The following CAMK1D variants were observed in gnomAD, a reference collection of about 807,000 sequenced individuals.
CAMK1D encodes the protein calcium/calmodulin-dependent protein kinase type 1D.
Under a neutral mutation model 47.7 loss-of-function variants are expected in CAMK1D, and 9 were observed. The observed-to-expected ratio is 0.19, with a 90% CI of 0.11 to 0.33. The LOEUF (loss-of-function observed/expected upper bound fraction) is 0.33. Among genes scored for constraint, CAMK1D ranks in the 10% least tolerant of loss-of-function variants. The pLI, the probability that CAMK1D is intolerant of heterozygous loss-of-function variation, is 1.00. For synonymous variants in CAMK1D, 184 were observed against 184.9 expected, an observed-to-expected ratio of 0.99 and a Z score of 0.04; for missense variants, 291 against 488.7, an observed-to-expected ratio of 0.60 and a Z score of 3.81.
chr10:12,795,677 A>G (rs1290818618), intron 6 of CAMK1D, among the ~76,000 whole-genome samples: 3 of 152,218 alleles, frequency 2.0e-5, no homozygotes, highest in Non-Finnish European at 4.4e-5. Context: ...CTTGCACGCC[A>G]TATAAACATT....
intron 2 of CAMK1D, among the ~76,000 whole-genome samples, chr10:12,588,555 C>T (rs1837888816): frequency 6.6e-6 from 1 of 152,022 alleles, no homozygotes. Flanking sequence ...GACCTGGAGC[C>T]TTGGTCTCCA....
intron 1 of CAMK1D, among the ~76,000 whole-genome samples, chr10:12,436,542 C>T (rs1042826195): frequency 1.5e-4 from 23 of 152,240 alleles, no homozygotes; most frequent in African/African-American, 4.6e-4. Flanking sequence ...TCACTGGTGG[C>T]GAGGAGGTGA....
intron 2 of CAMK1D, among the ~76,000 whole-genome samples, chr10:12,585,846 G>C (rs1400633352): frequency 6.6e-6 from 1 of 152,176 alleles, no homozygotes; most frequent in East Asian, 1.9e-4. Flanking sequence ...CTGCCATCTC[G>C]ATCCTTCGGA....
intron 1 of CAMK1D, among the ~76,000 whole-genome samples, chr10:12,440,468 A>G (rs1338640965): frequency 1.3e-5 from 2 of 151,960 alleles, no homozygotes; most frequent in East Asian, 3.9e-4. Flanking sequence ...TTGTACTTTT[A>G]GTAGAGATGG....
chr10:12,638,409 T>A (rs1839573165), intron 2 of CAMK1D, among the ~76,000 whole-genome samples: 1 of 152,170 alleles, frequency 6.6e-6, no homozygotes, highest in South Asian at 2.1e-4. Context: ...CTAAACCACC[T>A]GCTGTTCCCA....
chr10:12,777,342 T>A (rs940163027), intron 5 of CAMK1D, among the ~76,000 whole-genome samples: 3 of 148,880 alleles, frequency 2.0e-5, no homozygotes, highest in Non-Finnish European at 4.4e-5. Flanking sequence ...CTGAGTCAAG[T>A]AAGATGAGGA....
intron 2 of CAMK1D, among the ~76,000 whole-genome samples, chr10:12,557,580 A>C (rs1475104721): frequency 6.6e-6 from 1 of 152,082 alleles, no homozygotes; most frequent in African/African-American, 2.4e-5. Context: ...AGAAAAAAGA[A>C]AAAAGTCTTT....
intron 1 of CAMK1D, among the ~76,000 whole-genome samples, chr10:12,453,356 A>C (rs1270174151): frequency 6.6e-6 from 1 of 151,698 alleles, no homozygotes; most frequent in Non-Finnish European, 1.5e-5. Context: ...CGCCCGGCTA[A>C]TTGTTGTATT....
At chr10:12,643,657 G>T (rs1588724791) in intron 2 of CAMK1D, among the ~76,000 whole-genome samples, 1 of 152,124 alleles carries the variant, frequency 6.6e-6, no homozygotes, top group Non-Finnish European at 1.5e-5. Context: ...GCCGAGGTGG[G>T]TGGATCACTT....
chr10:12,425,832 T>C (rs1003714829), intron 1 of CAMK1D, among the ~76,000 whole-genome samples: 1 of 152,234 alleles, frequency 6.6e-6, no homozygotes, highest in African/African-American at 2.4e-5. Context: ...TAAGAAAATA[T>C]AATTTATCAG....
Position 12,816,743 on chromosome 10 carries a change from G to A in CAMK1D, c.833+415G>A, listed in dbSNP as rs142610693. On this transcript the variant is annotated intron_variant, in intron 8 of 10. Coordinates refer to ENST00000619168, the MANE Select transcript of CAMK1D (RefSeq NM_153498.4). The stretch of plus-strand genomic sequence containing the variant: ...AAAAATTAGCTGGGCATGGTGGCGC[G>A]CGCCTGTAATCCCAGCTACTCGCAA... 3.2e-4 allele frequency among the ~76,000 whole-genome samples: 49 copies of A among 151,822 alleles called. No homozygotes were observed. In the East Asian group the frequency reaches 7.4e-3, roughly 23 times the overall value.
rs746239186 is a variant in CAMK1D, at chr10:12,825,689, C to T, written c.1038C>T (p.Asp346=). 6.2e-7 allele frequency: 1 copy of T among 1,614,268 alleles called. No individual in the cohort carries two copies. Among genetic ancestry groups the T allele is most frequent in the Non-Finnish European group, 8.5e-7 (1 of 1,180,050 alleles). Residue 346 remains aspartate (D), a splice_region_variant and synonymous_variant, in exon 10 of 11, where the codon GAC becomes GAT. Coordinates refer to ENST00000619168, the MANE Select transcript of CAMK1D (RefSeq NM_153498.4). ...SSSLSLASQK[D]CLAPSTLCSF... is the part of the protein sequence containing the mutation. Reference sequence around the variant, plus strand: ...GCCTCAGTTTGGCCAGCCAAAAAGACTGTGCGTATGTAGCAAAACCAGAAT... The same window carrying T: ...GCCTCAGTTTGGCCAGCCAAAAAGATTGTGCGTATGTAGCAAAACCAGAAT...
chr10:12,475,659 C>A (rs1334227136), intron 1 of CAMK1D, among the ~76,000 whole-genome samples: 1 of 152,090 alleles, frequency 6.6e-6, no homozygotes. Flanking sequence ...TTCACCCCTC[C>A]TAGGTCTGAG....
chr10:12,716,109 G>T (rs1168692331), intron 3 of CAMK1D, among the ~76,000 whole-genome samples: 1 of 152,138 alleles, frequency 6.6e-6, no homozygotes, highest in Non-Finnish European at 1.5e-5. Context: ...TAGGAAGGGG[G>T]AGAATGAGGG....
chr10:12,681,159 C>T (rs540595178), intron 3 of CAMK1D, among the ~76,000 whole-genome samples: 4 of 152,354 alleles, frequency 2.6e-5, no homozygotes, highest in East Asian at 3.9e-4. Context: ...CACAGCCCCA[C>T]GGCCACGCTC....
chr10:12,792,761 A>G (rs1215333405), intron 6 of CAMK1D, among the ~76,000 whole-genome samples: 1 of 152,022 alleles, frequency 6.6e-6, no homozygotes, highest in African/African-American at 2.4e-5. Context: ...GGCCTAAAGG[A>G]CTCTCGTTTA....
At chr10:12,496,892 C>T (rs1834556066) in intron 1 of CAMK1D, among the ~76,000 whole-genome samples, 1 of 152,176 alleles carries the variant, frequency 6.6e-6, no homozygotes, top group Admixed American at 6.5e-5. Flanking sequence ...CTTCCCCCCA[C>T]AGCCACCTCC....
At position 12,580,316 on chromosome 10, in the gene CAMK1D, A is replaced by G. The variant is rs145656153; in HGVS notation, c.224+26960A>G. Among the ~76,000 whole-genome samples, 475 of 144,994 alleles carry G rather than the reference A, an allele frequency of 3.3e-3. 2 individuals are homozygous for G. The highest frequency in any genetic ancestry group is 0.011 in the African/African-American group (436 of 38,908). On this transcript the variant is annotated intron_variant, in intron 2 of 10. Transcript: ENST00000619168. ...TGTACCAATGTATCTGGACTAAAAT[A>G]TGCCCCTCCCTCCCTTCCTTCCTTT...
At chr10:12,398,511 G>C (rs527947529) in intron 1 of CAMK1D, among the ~76,000 whole-genome samples, 4 of 152,156 alleles carry the variant, frequency 2.6e-5, no homozygotes, top group Admixed American at 6.5e-5. Flanking sequence ...ACTATGCCTG[G>C]CTAATTTTTA....
Sources: allele counts gnomAD v4.1 joint callset (sites outside exome capture counted in the v4.1 genomes callset), GRCh38; gene constraint gnomAD v4.1.1; transcripts MANE v1.5; gene names NCBI Gene and HGNC (gene_info 2026-07-23, HGNC 2026-07-21).